FMN1: variants seen among roughly 807,000 people sequenced by gnomAD.
FMN1 encodes the protein formin-1.
Under a neutral mutation model 132.4 loss-of-function variants are expected in FMN1, and 110 were observed. That is an observed-to-expected ratio of 0.83 (90% CI 0.71 to 0.97). FMN1 has a LOEUF of 0.97. Among genes scored for constraint, FMN1 ranks in the 50% least tolerant of loss-of-function variants. FMN1 has a pLI of 0.00. For synonymous variants in FMN1, 722 were observed against 651.7 expected (o/e 1.11, Z -1.64); for missense variants, 1,792 against 1,705.3 (o/e 1.05, Z -0.90).
intron 4 of FMN1, among the ~76,000 whole-genome samples, chr15:33,144,029 T>C (rs535871597): frequency 6.6e-6 from 1 of 152,254 alleles, no homozygotes; most frequent in African/African-American, 2.4e-5. Context: ...GATGCAGAAA[T>C]TGAGAACACT....
At chr15:33,094,903 A>G (rs930932910) in intron 4 of FMN1, among the ~76,000 whole-genome samples, 1 of 152,234 alleles carries the variant, frequency 6.6e-6, no homozygotes, top group Non-Finnish European at 1.5e-5. Flanking sequence ...GTCCTGATGC[A>G]GAAAAGATCA....
intron 16 of FMN1, among the ~76,000 whole-genome samples, chr15:32,882,819 A>G (rs1229262547): frequency 6.6e-6 from 1 of 151,686 alleles, no homozygotes; most frequent in African/African-American, 2.4e-5. Flanking sequence ...AGGAAGAACC[A>G]TTTTGCTTCC....
At chr15:33,173,811 C>T (rs1432261619) in intron 3 of FMN1, among the ~76,000 whole-genome samples, 2 of 152,146 alleles carry the variant, frequency 1.3e-5, no homozygotes, top group East Asian at 3.9e-4. Flanking sequence ...TGCCTGTTAT[C>T]CCAACTACTT....
intron 4 of FMN1, among the ~76,000 whole-genome samples, chr15:33,113,847 G>A (rs147914631): frequency 2.0e-5 from 3 of 152,168 alleles, no homozygotes; most frequent in South Asian, 2.1e-4. Flanking sequence ...TCAAAACAGA[G>A]CCTTCTTTAA....
At chr15:33,117,755 G>A (rs550076508) in intron 4 of FMN1, among the ~76,000 whole-genome samples, 2 of 152,244 alleles carry the variant, frequency 1.3e-5, no homozygotes, top group African/African-American at 2.4e-5. Context: ...TGAGACAGAA[G>A]GAACACAAAG....
chr15:32,847,525 G>A (rs1369662289), intron 17 of FMN1, among the ~76,000 whole-genome samples: 1 of 151,798 alleles, frequency 6.6e-6, no homozygotes, highest in Non-Finnish European at 1.5e-5. Flanking sequence ...TTGAGGTCAG[G>A]AGTTCCAGAA....
At chr15:33,117,009 G>A (rs752267760) in intron 4 of FMN1, among the ~76,000 whole-genome samples, 10 of 152,110 alleles carry the variant, frequency 6.6e-5, no homozygotes, top group Non-Finnish European at 1.3e-4. Context: ...CCAATTAAGT[G>A]TGGCACTGAC....
At position 32,768,904 on chromosome 15, in the gene FMN1, G is replaced by A. The variant is rs1595874412; in HGVS notation, c.*5406C>T. On this transcript the variant is annotated 3_prime_UTR_variant, in exon 21 of 21. Coordinates refer to ENST00000616417, the MANE Select transcript of FMN1 (RefSeq NM_001277313.2). ...AATCTTCCCCACATCAAGAACTTCA[G>A]AGATGTAATATAAAGTCTGGAGTTC... 6.6e-6 allele frequency: 1 copy of A among 152,320 alleles called. No homozygotes were observed. The highest frequency in any genetic ancestry group is 3.4e-3 in the Middle Eastern group (1 of 292). 9.4% of individuals were successfully genotyped at this position (152,320 alleles called of 1,614,324 possible). A position where few individuals can be genotyped will look rare whatever the true frequency, so the allele number is the denominator to read the frequency against.
intron 2 of FMN1, among the ~76,000 whole-genome samples, chr15:33,180,627 A>G (rs1183179964): frequency 2.6e-5 from 4 of 151,870 alleles, no homozygotes; most frequent in African/African-American, 9.7e-5. Context: ...AAGCCTGCGT[A>G]TGCTCATCTA....
chr15:32,847,894 A>C (rs1210204590), intron 17 of FMN1, among the ~76,000 whole-genome samples: 1 of 152,144 alleles, frequency 6.6e-6, no homozygotes, highest in African/African-American at 2.4e-5. Context: ...TTAAGGCCTA[A>C]AATGCAAATA....
At chr15:33,019,250 A>G (rs1203330070) in intron 6 of FMN1, among the ~76,000 whole-genome samples, 1 of 152,206 alleles carries the variant, frequency 6.6e-6, no homozygotes, top group Non-Finnish European at 1.5e-5. Flanking sequence ...GATTAGCTAG[A>G]TACAGAGTGT....
intron 9 of FMN1, among the ~76,000 whole-genome samples, chr15:32,945,792 T>C (rs2061496912): frequency 6.6e-6 from 1 of 152,182 alleles, no homozygotes; most frequent in Non-Finnish European, 1.5e-5. Context: ...TGAGCACCCC[T>C]AGCTGCAGTG....
At chr15:32,894,244 G>A (rs2060099937) in intron 15 of FMN1, among the ~76,000 whole-genome samples, 1 of 152,134 alleles carries the variant, frequency 6.6e-6, no homozygotes, top group African/African-American at 2.4e-5. Flanking sequence ...CAGCACTTTG[G>A]GAGGCCAAGG....
In FMN1 at chr15:33,153,717, C is replaced by A. The variant is rs1964547603; in HGVS notation, c.1198G>T (p.Ala400Ser). 3.3e-6 allele frequency: 5 copies of A among 1,536,186 alleles called. No homozygotes were observed. The highest frequency in any genetic ancestry group is 4.4e-6 in the Non-Finnish European group (5 of 1,146,962). ...CTAGAAATGGAGGCTGTTTCCCCGG[C>A]TGGCGACTGCGATGACCTATCCCCT... ...RQGDRSSQSPAGETASISSVS... is the reference protein window; with the variant it reads ...RQGDRSSQSPSGETASISSVS... Residue 400 changes from alanine to serine, a missense_variant, in exon 4 of 21, where the codon GCC (alanine) becomes TCC (serine). Coordinates refer to ENST00000616417, the MANE Select transcript of FMN1 (RefSeq NM_001277313.2).
At chr15:33,126,877 T>A (rs1963131959) in intron 4 of FMN1, among the ~76,000 whole-genome samples, 1 of 152,204 alleles carries the variant, frequency 6.6e-6, no homozygotes, top group Non-Finnish European at 1.5e-5. Context: ...TACCCATAAA[T>A]AACTGTGGCT....
rs1374157980 is a variant in FMN1 at position 32,906,105 on chromosome 15, C to T, written c.3377+2385G>A. On this transcript the variant is annotated intron_variant, in intron 12 of 20. Transcript: ENST00000616417. Reference sequence around the variant, plus strand: ...TTACCTGCTACCATTATCTAAGTCCCGGCAATTAGAACAATAATTAGGACA... The same window carrying T: ...TTACCTGCTACCATTATCTAAGTCCTGGCAATTAGAACAATAATTAGGACA... Among the ~76,000 whole-genome samples the T allele has an allele frequency of 9.2e-5, 14 of 152,284 alleles. No homozygotes were observed. In the South Asian group the frequency reaches 1.5e-3, roughly 16 times the overall value.
At chr15:32,865,110 A>G (rs536553122) in intron 16 of FMN1, among the ~76,000 whole-genome samples, 6 of 152,014 alleles carry the variant, frequency 3.9e-5, no homozygotes, top group South Asian at 2.1e-4. Context: ...AGAAAGAGGG[A>G]GAGAGAGAGA....
chr15:32,936,676 G>A (rs2061279487), intron 9 of FMN1, among the ~76,000 whole-genome samples: 1 of 151,532 alleles, frequency 6.6e-6, no homozygotes, highest in African/African-American at 2.4e-5. Context: ...AGAAGGAGGA[G>A]GAGAAAGAAG....
chr15:32,781,464 T>C (rs190995047), intron 19 of FMN1, among the ~76,000 whole-genome samples: 1 of 152,334 alleles, frequency 6.6e-6, no homozygotes, highest in Admixed American at 6.5e-5. Flanking sequence ...AATTCTACTG[T>C]TGCAGTGGGA....
Sources: allele counts gnomAD v4.1 joint callset (sites outside exome capture counted in the v4.1 genomes callset), GRCh38; gene constraint gnomAD v4.1.1; transcripts MANE v1.5; gene names NCBI Gene and HGNC (gene_info 2026-07-23, HGNC 2026-07-21).